The following AKAP12 variants were observed in gnomAD, a reference collection of about 807,000 sequenced individuals.
AKAP12 encodes the protein A-kinase anchoring protein 12.
In AKAP12, 32 loss-of-function variants were observed where a neutral mutation model predicts 79.9. The observed-to-expected ratio is 0.40, with a 90% CI of 0.30 to 0.54. The LOEUF is 0.54. AKAP12 is among the 20% of genes least tolerant of loss of function. The pLI is 0.48. For synonymous variants in AKAP12, 808 were observed against 857.0 expected (o/e 0.94, Z 1.00); for missense variants, 2,074 against 2,177.0 (o/e 0.95, Z 0.94).
intron 2 of AKAP12, among the ~76,000 whole-genome samples, chr6:151,253,329 C>T (rs1216976057): frequency 6.6e-6 from 1 of 152,142 alleles, no homozygotes; most frequent in Admixed American, 6.5e-5. Context: ...TCTTTAGAAA[C>T]TTTCGTTTGA....
At chr6:151,244,637 A>G (rs934812667) in intron 2 of AKAP12, among the ~76,000 whole-genome samples, 5 of 152,240 alleles carry the variant, frequency 3.3e-5, no homozygotes, top group African/African-American at 4.8e-5. Flanking sequence ...ATGGAAATGG[A>G]GAACGAAGAT....
At chr6:151,279,113 A>C (rs1776348504) in intron 2 of AKAP12, among the ~76,000 whole-genome samples, 1 of 152,212 alleles carries the variant, frequency 6.6e-6, no homozygotes, top group Admixed American at 6.5e-5. Context: ...ACACACCTGG[A>C]GTGTCATTAC....
At chr6:151,288,255 T>C (rs112297848) in intron 2 of AKAP12, among the ~76,000 whole-genome samples, 33 of 150,334 alleles carry the variant, frequency 2.2e-4, no homozygotes, top group African/African-American at 8.0e-4. Context: ...TGGCCCATGC[T>C]GGTAATCCCA....
intron 2 of AKAP12, among the ~76,000 whole-genome samples, chr6:151,298,564 C>T (rs1463464704): frequency 2.0e-5 from 3 of 152,082 alleles, no homozygotes; most frequent in Non-Finnish European, 1.5e-5. Context: ...GAAGCCAATG[C>T]GGGTGGATCA....
intron 2 of AKAP12, among the ~76,000 whole-genome samples, chr6:151,245,217 T>A (rs1797046902): frequency 6.6e-6 from 1 of 152,096 alleles, no homozygotes; most frequent in Admixed American, 6.6e-5. Flanking sequence ...ATCCCCCATC[T>A]CTATAATTCT....
At chr6:151,274,962 G>A (rs1432328443) in intron 2 of AKAP12, among the ~76,000 whole-genome samples, 1 of 152,100 alleles carries the variant, frequency 6.6e-6, no homozygotes, top group Non-Finnish European at 1.5e-5. Flanking sequence ...AAATTAACCA[G>A]GCCTGATGGC....
intron 2 of AKAP12, among the ~76,000 whole-genome samples, chr6:151,268,014 C>T (rs990088203): frequency 6.6e-6 from 1 of 152,176 alleles, no homozygotes; most frequent in East Asian, 1.9e-4. Context: ...GTGTCACCTT[C>T]CTACCTGACA....
At chr6:151,288,962 G>A (rs1161827390) in intron 2 of AKAP12, among the ~76,000 whole-genome samples, 2 of 152,208 alleles carry the variant, frequency 1.3e-5, no homozygotes. Flanking sequence ...GAGGTTAATG[G>A]ATTCCTGTTA....
intron 2 of AKAP12, among the ~76,000 whole-genome samples, chr6:151,287,174 T>C (rs987638326): frequency 2.0e-5 from 3 of 152,028 alleles, no homozygotes; most frequent in African/African-American, 4.8e-5. Flanking sequence ...CTCCTGACCT[T>C]GTGATCCACC....
chr6:151,297,927 T>C (rs1478725697), intron 2 of AKAP12, among the ~76,000 whole-genome samples: 3 of 152,200 alleles, frequency 2.0e-5, no homozygotes, highest in Non-Finnish European at 4.4e-5. Context: ...GGACCAAGTC[T>C]CATAAAATGG....
At chr6:151,345,930 TGTGAGAGA>T (rs756486724) in intron 3 of AKAP12, among the ~76,000 whole-genome samples, 275 of 108,784 alleles carry the variant, frequency 2.5e-3, no homozygotes, top group East Asian at 8.9e-3. Context: ...TGTGTGTGTG[TGTGAGAGA>T]GAGAGAGAGA....
chr6:151,245,562 G>T (rs1312542504), intron 2 of AKAP12, among the ~76,000 whole-genome samples: 1 of 147,032 alleles, frequency 6.8e-6, no homozygotes, highest in Non-Finnish European at 1.5e-5. Flanking sequence ...GGAGAATGGC[G>T]TGAACCCGGG....
intron 2 of AKAP12, among the ~76,000 whole-genome samples, chr6:151,298,326 TC>T (rs1435973573): frequency 1.3e-5 from 2 of 152,160 alleles, no homozygotes; most frequent in African/African-American, 4.8e-5. Flanking sequence ...AGGTAATAAC[TC>T]CCAGAGCTTT....
Position 151,351,001 on chromosome 6 carries a change from G to A in AKAP12, c.2610G>A (p.Glu870=). 1 of 1,614,058 alleles carries A rather than the reference G, an allele frequency of 6.2e-7. No individual in the cohort carries two copies. Among genetic ancestry groups the A allele is most frequent in the Non-Finnish European group, 8.5e-7 (1 of 1,180,016 alleles). The change falls in exon 4 of 5, where the codon GAG becomes GAA. Residue 870 remains glutamate, a synonymous_variant. Transcript: ENST00000402676. The surrounding 1 kb of genome is among the most constrained non-coding windows in gnomAD (Gnocchi z 4.4). ...CACAGCAAGCCCAAAAAAGCGCAGA[G>A]CAGCCCGAGCAGAAGGCAGCCACTG... The part of the protein sequence containing the change: ...MEAQQAQKSA[E]QPEQKAATEV...
intron 3 of AKAP12, among the ~76,000 whole-genome samples, chr6:151,321,418 A>G (rs916625673): frequency 6.6e-6 from 1 of 152,198 alleles, no homozygotes; most frequent in Non-Finnish European, 1.5e-5. Flanking sequence ...AGACATTTCA[A>G]ATAAATGGAA....
intron 3 of AKAP12, among the ~76,000 whole-genome samples, chr6:151,340,235 G>GTTT (rs35700566): frequency 4.5e-5 from 6 of 133,654 alleles, no homozygotes; most frequent in Non-Finnish European, 4.8e-5. Flanking sequence ...CCCAGCGGTG[G>GTTT]TTTTTTTTTT....
At chr6:151,326,637 C>T (rs1777535354) in intron 3 of AKAP12, among the ~76,000 whole-genome samples, 2 of 152,130 alleles carry the variant, frequency 1.3e-5, no homozygotes. Flanking sequence ...GCTCTTACAG[C>T]TCCTCTAACT....
intron 2 of AKAP12, among the ~76,000 whole-genome samples, chr6:151,282,999 G>C (rs1028227888): frequency 6.6e-6 from 1 of 152,174 alleles, no homozygotes; most frequent in Non-Finnish European, 1.5e-5. Context: ...CTGTTGAAGA[G>C]TATTCAGGAT....
intron 3 of AKAP12, among the ~76,000 whole-genome samples, chr6:151,332,538 T>C (rs1777702762): frequency 6.6e-6 from 1 of 152,190 alleles, no homozygotes; most frequent in African/African-American, 2.4e-5. Flanking sequence ...TATAGAAATA[T>C]TTGGTTTCTG....
Sources: gnomAD v4.1 joint callset for allele counts (sites outside exome capture counted in the v4.1 genomes callset) on GRCh38, gnomAD v4.1.1 for gene constraint, Gnocchi (gnomAD v3.1) non-coding constraint, MANE v1.5 for transcripts, NCBI Gene and HGNC (gene_info 2026-07-23, HGNC 2026-07-21) for gene names.